Variants in RYR3 observed in about 807,000 individuals in gnomAD.
RYR3 encodes the protein brain ryanodine receptor-calcium release channel.
Under a neutral mutation model 584.3 loss-of-function variants are expected in RYR3, and 207 were observed. The observed-to-expected ratio is 0.35, with a 90% CI of 0.32 to 0.40. RYR3 has a LOEUF of 0.40. Among genes scored for constraint, RYR3 ranks in the 10% least tolerant of loss-of-function variants. The pLI, the probability that RYR3 is intolerant of heterozygous loss-of-function variation, is 1.00. For synonymous variants in RYR3, 2,416 were observed against 2,248.5 expected (o/e 1.07, Z -2.11); for missense variants, 5,616 against 6,089.2 (o/e 0.92, Z 2.59).
chr15:33,847,522 ATCC>A (rs2078805115), intron 93 of RYR3: 1 of 152,250 alleles, frequency 6.6e-6, no homozygotes, highest in South Asian at 2.1e-4. Context: ...TTTCAGCAGT[ATCC>A]TCTGGCCTCA....
At chr15:33,728,267 T>C (rs1216582686) in intron 46 of RYR3, among the ~76,000 whole-genome samples, 1 of 152,152 alleles carries the variant, frequency 6.6e-6, no homozygotes, top group African/African-American at 2.4e-5. Context: ...GGGAAGAAAA[T>C]GGACATGGCA....
intron 74 of RYR3, among the ~76,000 whole-genome samples, chr15:33,814,900 C>CAAAAAAA (rs66623531): frequency 9.3e-4 from 85 of 91,778 alleles, no homozygotes; most frequent in Non-Finnish European, 1.2e-3. Context: ...GACTCTGTCT[C>CAAAAAAA]AAAAAAAAAA....
At chr15:33,628,436 C>A (rs757326805) in intron 20 of RYR3, 35 bp from the exon 21 acceptor site, 1 of 1,446,808 alleles carries the variant, frequency 6.9e-7, no homozygotes, top group South Asian at 1.1e-5. Context: ...GGTTTCAAAA[C>A]AATCGATTCT....
At position 33,736,227 on chromosome 15, in the gene RYR3, T is replaced by C; in HGVS notation, c.7425-8T>C. 6.3e-7 allele frequency: 1 copy of C among 1,582,326 alleles called. No homozygotes were observed. The highest frequency in any genetic ancestry group is 8.7e-7 in the Non-Finnish European group (1 of 1,152,190). On this transcript the variant is annotated splice_polypyrimidine_tract_variant and splice_region_variant and intron_variant, in intron 48 of 103. Coordinates refer to ENST00000634891, the MANE Select transcript of RYR3 (RefSeq NM_001036.6). Reference sequence around the variant, plus strand: ...TTATTTATCTACGTTTGTCATTTCATACTGCAGTCACTTGAGGCCTTCCAT... The same window carrying C: ...TTATTTATCTACGTTTGTCATTTCACACTGCAGTCACTTGAGGCCTTCCAT...
intron 3 of RYR3, among the ~76,000 whole-genome samples, chr15:33,504,114 G>T (rs1258500324): frequency 6.6e-6 from 1 of 152,204 alleles, no homozygotes; most frequent in Non-Finnish European, 1.5e-5. Flanking sequence ...TGGGGAGTTA[G>T]GACTGCTCCA....
At chr15:33,803,659 C>T (rs569956105) in intron 69 of RYR3, among the ~76,000 whole-genome samples, 6 of 152,228 alleles carry the variant, frequency 3.9e-5, no homozygotes, top group East Asian at 1.9e-4. Context: ...GAGCTACAGG[C>T]GCACGCCACC....
intron 1 of RYR3, among the ~76,000 whole-genome samples, chr15:33,324,325 G>T (rs1264458717): frequency 1.3e-5 from 2 of 152,160 alleles, no homozygotes; most frequent in Non-Finnish European, 2.9e-5. Flanking sequence ...TATCTTCTGG[G>T]GAAATGGGGG....
At chr15:33,819,853 CT>C in intron 77 of RYR3, 46 bp downstream of exon 77, 3 of 1,446,156 alleles carry the variant, frequency 2.1e-6, no homozygotes, top group Non-Finnish European at 2.9e-6. Flanking sequence ...TCTGTCTTCC[CT>C]TAGATTTCTT....
chr15:33,466,628 T>C (rs559278531), intron 1 of RYR3, among the ~76,000 whole-genome samples: 2 of 152,366 alleles, frequency 1.3e-5, no homozygotes, highest in South Asian at 4.1e-4. Context: ...TGTTAACCTT[T>C]ACTTTCATAA....
intron 98 of RYR3, 79 bp downstream of exon 98, chr15:33,854,991 A>G: frequency 1.5e-6 from 2 of 1,335,474 alleles, no homozygotes; most frequent in Non-Finnish European, 2.0e-6. Context: ...TATACAGTAT[A>G]TGACAGGAAG....
rs145615354 is a variant in RYR3, at chr15:33,674,952, T to C, written c.5860+4396T>C. 2.9e-3 allele frequency among the ~76,000 whole-genome samples: 433 copies of C among 149,268 alleles called. 2 individuals are homozygous for C. Among genetic ancestry groups the C allele is most frequent in the African/African-American group, 9.6e-3 (392 of 40,696 alleles). ...AAGAGTGGTGTTAGAATATAGAACA[T>C]CTTGAAAAATCCAGTGGCTATAGTC... On this transcript the variant is annotated intron_variant, in intron 38 of 103. Coordinates refer to ENST00000634891, the MANE Select transcript of RYR3 (RefSeq NM_001036.6).
chr15:33,537,714 C>G lies in RYR3; in HGVS notation c.434-1636C>G, dbSNP rs147809436. Among the ~76,000 whole-genome samples the G allele has an allele frequency of 4.1e-4, 62 of 152,250 alleles. No individual in the cohort carries two copies. The East Asian group carries it at 0.012, about 29-fold the overall frequency. ...CCACAGCGATGTGTCTTGGCGTGGC[C>G]TCTTTCTGTTCTGACATCTCACTGG... On this transcript the variant is annotated intron_variant, in intron 5 of 103. Coordinates refer to ENST00000634891, the MANE Select transcript of RYR3 (RefSeq NM_001036.6).
rs2077428590 is a variant in RYR3 at position 33,827,302 on chromosome 15, C to T, written c.11334+15C>T. 1 of 1,549,708 alleles carries T rather than the reference C, an allele frequency of 6.5e-7. No individual in the cohort carries two copies. Among genetic ancestry groups the T allele is most frequent in the Non-Finnish European group, 8.7e-7 (1 of 1,145,110 alleles). On this transcript the variant is annotated intron_variant, in intron 85 of 103. Coordinates refer to ENST00000634891, the MANE Select transcript of RYR3 (RefSeq NM_001036.6). Reference sequence around the variant, plus strand: ...TGCGTCTGCAGGTGAGTGGGAGGGCCTTGGACAATGGGACCTCTCACCTTT... The same window carrying T: ...TGCGTCTGCAGGTGAGTGGGAGGGCTTTGGACAATGGGACCTCTCACCTTT...
At chr15:33,845,147 A>G in intron 93 of RYR3, 85 bp downstream of exon 93, 5 of 1,432,040 alleles carry the variant, frequency 3.5e-6, no homozygotes, top group Non-Finnish European at 4.8e-6. Context: ...TTGCTCTAAG[A>G]CTTTGCTAGC....
At chr15:33,530,770 G>A in intron 4 of RYR3, 104 bp downstream of exon 4, 1 of 804,114 alleles carries the variant, frequency 1.2e-6, no homozygotes, top group Non-Finnish European at 2.1e-6. Flanking sequence ...AGGAACAATT[G>A]GAACATAACT....
At chr15:33,520,632 A>G (rs1293725020) in intron 3 of RYR3, among the ~76,000 whole-genome samples, 1 of 152,230 alleles carries the variant, frequency 6.6e-6, no homozygotes, top group Non-Finnish European at 1.5e-5. Flanking sequence ...CCTCTTTCCA[A>G]AGCATACTTG....
intron 8 of RYR3, among the ~76,000 whole-genome samples, chr15:33,544,269 T>G (rs1359876098): frequency 6.6e-6 from 1 of 151,524 alleles, no homozygotes; most frequent in African/African-American, 2.4e-5. Flanking sequence ...TACTAAAGAG[T>G]TTTTTTTGGG....
At chr15:33,663,015 C>A in intron 35 of RYR3, 67 bp downstream of exon 35, 1 of 1,408,724 alleles carries the variant, frequency 7.1e-7, no homozygotes, top group Non-Finnish European at 9.8e-7. Flanking sequence ...ATATCAGGAA[C>A]ACACTGAGGA....
chr15:33,586,303 G>A (rs1394934709), intron 16 of RYR3, among the ~76,000 whole-genome samples, 187 bp downstream of exon 16: 9 of 152,254 alleles, frequency 5.9e-5, no homozygotes, highest in Non-Finnish European at 8.8e-5. Flanking sequence ...ACTGGACTTC[G>A]GATGGTGCCG....
Sources: allele counts gnomAD v4.1 joint callset (sites outside exome capture counted in the v4.1 genomes callset), GRCh38; gene constraint gnomAD v4.1.1; transcripts MANE v1.5; gene names NCBI Gene and HGNC (gene_info 2026-07-23, HGNC 2026-07-21).